PPP2R2B: variants seen among roughly 807,000 people sequenced by gnomAD.
PPP2R2B encodes the protein protein phosphatase 2 regulatory subunit Bbeta, also known as serine/threonine-protein phosphatase 2A 55 kDa regulatory subunit B beta isoform.
PPP2R2B carries 5 observed loss-of-function variants against 46.0 expected under a neutral mutation model. The observed-to-expected ratio is 0.11, with a 90% CI of 0.06 to 0.23. The LOEUF (loss-of-function observed/expected upper bound fraction) is 0.23, where lower values mean the gene tolerates loss of function less well. Among genes scored for constraint, PPP2R2B ranks in the 10% least tolerant of loss-of-function variants. The pLI is 1.00. For missense variants in PPP2R2B, 367 were observed against 575.0 expected (o/e 0.64, Z 3.70); for synonymous variants, 215 against 206.7 (o/e 1.04, Z -0.34).
chr5:146,706,295 C>A (rs1430676653), intron 2 of PPP2R2B: 3 of 527,604 alleles, frequency 5.7e-6, no homozygotes, highest in Non-Finnish European at 1.1e-5. Flanking sequence ...GCTGGTGCGG[C>A]TGAAGGAGCT....
intron 7 of PPP2R2B, among the ~76,000 whole-genome samples, chr5:146,617,997 C>T (rs1051702829): frequency 6.6e-6 from 1 of 152,130 alleles, no homozygotes; most frequent in Non-Finnish European, 1.5e-5. Context: ...CCAGCCATCT[C>T]TTGCTCAATT....
At chr5:146,963,442 C>T (rs187465227) in intron 1 of PPP2R2B, among the ~76,000 whole-genome samples, 1 of 152,318 alleles carries the variant, frequency 6.6e-6, no homozygotes, top group Admixed American at 6.5e-5. Flanking sequence ...CCTCACCACT[C>T]ACTGGCTCCT....
chr5:146,747,113 C>T (rs964512811), intron 2 of PPP2R2B, among the ~76,000 whole-genome samples: 1 of 152,146 alleles, frequency 6.6e-6, no homozygotes, highest in African/African-American at 2.4e-5. Flanking sequence ...AGAGGAGCTT[C>T]CCAAATTGCT....
At chr5:147,066,609 C>A (rs750005085) in intron 2 of PPP2R2B, among the ~76,000 whole-genome samples, 20 of 152,124 alleles carry the variant, frequency 1.3e-4, no homozygotes, top group Non-Finnish European at 2.9e-4. Context: ...GTGCTCAGCG[C>A]TGACCATAAT....
At chr5:147,048,556 T>C (rs1212247961) in intron 1 of PPP2R2B, among the ~76,000 whole-genome samples, 3 of 152,138 alleles carry the variant, frequency 2.0e-5, no homozygotes, top group South Asian at 2.1e-4. Context: ...GTGAATGCAG[T>C]GGGAAATATG....
intron 2 of PPP2R2B, among the ~76,000 whole-genome samples, chr5:146,760,250 A>C (rs1448605993): frequency 4.6e-5 from 7 of 152,148 alleles, no homozygotes; most frequent in Non-Finnish European, 1.0e-4. Context: ...TGGCAACCCT[A>C]TAAGGTATTG....
At chr5:146,733,360 G>T (rs1357577357) in intron 2 of PPP2R2B, among the ~76,000 whole-genome samples, 1 of 152,112 alleles carries the variant, frequency 6.6e-6, no homozygotes, top group Non-Finnish European at 1.5e-5. Flanking sequence ...TTAATTGGGG[G>T]TGAGGGGCTT....
At chr5:146,963,846 C>A (rs1192822611) in intron 1 of PPP2R2B, among the ~76,000 whole-genome samples, 1 of 152,172 alleles carries the variant, frequency 6.6e-6, no homozygotes, top group Non-Finnish European at 1.5e-5. Context: ...TAAACTCTTA[C>A]TATCTGTGCT....
At chr5:146,860,244 G>A (rs895007639) in intron 2 of PPP2R2B, among the ~76,000 whole-genome samples, 1 of 151,954 alleles carries the variant, frequency 6.6e-6, no homozygotes, top group African/African-American at 2.4e-5. Context: ...ATTTTCCCTG[G>A]GCCTATCAAA....
intron 1 of PPP2R2B, among the ~76,000 whole-genome samples, chr5:146,896,508 A>G (rs1762648790): frequency 6.6e-6 from 1 of 152,204 alleles, no homozygotes; most frequent in African/African-American, 2.4e-5. Flanking sequence ...TATCAAAAAG[A>G]ATCAAAGTGC....
chr5:146,680,392 T>C (rs1778073270), intron 5 of PPP2R2B, among the ~76,000 whole-genome samples: 1 of 133,960 alleles, frequency 7.5e-6, no homozygotes, highest in Non-Finnish European at 1.5e-5. Context: ...CTGGGGACTG[T>C]TGTGGGGTGG....
exon 1 of PPP2R2B, chr5:147,055,890 C>A (rs1383187712): frequency 9.6e-5 from 139 of 1,446,696 alleles, no homozygotes; most frequent in Non-Finnish European, 1.2e-4. Flanking sequence ...CGAGGAATAA[C>A]TGGAGATGGG....
At chr5:147,015,748 C>T (rs1433480466) in intron 1 of PPP2R2B, among the ~76,000 whole-genome samples, 1 of 149,224 alleles carries the variant, frequency 6.7e-6, no homozygotes, top group Non-Finnish European at 1.5e-5. Flanking sequence ...TTAATATATT[C>T]TTAATATAAT....
At chr5:146,637,771 A>C (rs1774915949) in intron 7 of PPP2R2B, among the ~76,000 whole-genome samples, 1 of 152,036 alleles carries the variant, frequency 6.6e-6, no homozygotes, top group Non-Finnish European at 1.5e-5. Flanking sequence ...TCAGCCTCCC[A>C]TGCAGTTCAG....
chr5:146,751,959 G>A (rs1753580837), intron 2 of PPP2R2B, among the ~76,000 whole-genome samples: 1 of 152,146 alleles, frequency 6.6e-6, no homozygotes, highest in African/African-American at 2.4e-5. Context: ...AGAGTGGCAG[G>A]AAATGGGGGT....
chr5:146,867,072 G>A (rs1247149433), intron 2 of PPP2R2B, among the ~76,000 whole-genome samples: 1 of 152,202 alleles, frequency 6.6e-6, no homozygotes, highest in East Asian at 1.9e-4. Context: ...GAAAGGTAAT[G>A]AGAAGAATAG....
chr5:146,729,027 A>C (rs1752058552), intron 2 of PPP2R2B, among the ~76,000 whole-genome samples: 1 of 150,062 alleles, frequency 6.7e-6, no homozygotes, highest in South Asian at 2.2e-4. Flanking sequence ...GAAAAGTTTG[A>C]AGGGCTCAGA....
At chr5:147,016,756 C>T (rs1445296878) in intron 1 of PPP2R2B, among the ~76,000 whole-genome samples, 1 of 151,512 alleles carries the variant, frequency 6.6e-6, no homozygotes, top group African/African-American at 2.4e-5. Context: ...AGAGAATGGG[C>T]ATTCTATCCA....
chr5:146,654,313 AAGCT>A (rs1435532724), intron 5 of PPP2R2B, among the ~76,000 whole-genome samples: 3 of 152,186 alleles, frequency 2.0e-5, no homozygotes. Context: ...CACAAAGAAT[AAGCT>A]GGGGGCTAGG....
Sources: allele counts gnomAD v4.1 joint callset (sites outside exome capture counted in the v4.1 genomes callset), GRCh38; gene constraint gnomAD v4.1.1; transcripts MANE v1.5; gene names NCBI Gene and HGNC (gene_info 2026-07-23, HGNC 2026-07-21).